The following CCDC149 variants were observed in gnomAD, a reference collection of about 807,000 sequenced individuals.
The protein encoded by CCDC149 is coiled-coil domain containing 149, also known as coiled-coil domain-containing protein 149.
A neutral mutation model predicts 59.9 loss-of-function variants in CCDC149; 45 were observed. The ratio of observed to expected loss-of-function variants is 0.75; its 90% CI spans 0.59 to 0.96. CCDC149 has a LOEUF of 0.96. Ranked by LOEUF, CCDC149 falls within the 40% of genes least tolerant of loss-of-function variation. The pLI is 0.00. For synonymous variants in CCDC149, 245 were observed against 260.6 expected, an observed-to-expected ratio of 0.94 and a Z score of 0.58; for missense variants, 584 against 664.7, an observed-to-expected ratio of 0.88 and a Z score of 1.33.
At chr4:24,864,235 T>C (rs1577424284) in intron 3 of CCDC149, among the ~76,000 whole-genome samples, 1 of 152,352 alleles carries the variant, frequency 6.6e-6, no homozygotes, top group South Asian at 2.1e-4. Flanking sequence ...GAGAGGGGCC[T>C]GAATTCTACT....
chr4:24,932,058 A>G (rs938356610), intron 1 of CCDC149, among the ~76,000 whole-genome samples: 1 of 151,958 alleles, frequency 6.6e-6, no homozygotes, highest in African/African-American at 2.4e-5. Context: ...TAAGTGTTCT[A>G]ACAGGATTCT....
intron 5 of CCDC149, 90 bp downstream of exon 5, chr4:24,838,066 C>G: frequency 9.7e-7 from 1 of 1,029,528 alleles, no homozygotes; most frequent in Non-Finnish European, 1.5e-6. Flanking sequence ...ACCCCATACT[C>G]TGAGAAACGA....
rs535424805 is a variant in CCDC149, at chr4:24,817,745, T to C, written c.1192+2114A>G. Among the ~76,000 whole-genome samples, 5 of 151,166 alleles carry C rather than the reference T, an allele frequency of 3.3e-5. 1 individual carries two copies. In the East Asian group the frequency reaches 1.0e-3, roughly 31 times the overall value. On this transcript the variant is annotated intron_variant, in intron 12 of 12. Coordinates refer to ENST00000635206, the MANE Select transcript of CCDC149 (RefSeq NM_001330643.2). ...TAGCTTAGATTAGCAGAACCACCCA[T>C]CTGACCCAAAGACTCATGAAAAACA...
chr4:24,928,865 G>A (rs1421318272), intron 1 of CCDC149, among the ~76,000 whole-genome samples: 1 of 152,108 alleles, frequency 6.6e-6, no homozygotes, highest in East Asian at 1.9e-4. Context: ...AGAGGAATGG[G>A]GTGAACTTCA....
At chr4:24,810,673 A>G (rs1160430708) in intron 12 of CCDC149, among the ~76,000 whole-genome samples, 1 of 152,214 alleles carries the variant, frequency 6.6e-6, no homozygotes, top group Non-Finnish European at 1.5e-5. Context: ...CAGGTATGTA[A>G]ATGTTGAATG....
chr4:24,832,435 AC>A (rs1716220739), intron 8 of CCDC149, among the ~76,000 whole-genome samples: 1 of 152,242 alleles, frequency 6.6e-6, no homozygotes, highest in Non-Finnish European at 1.5e-5. Context: ...TTGTTACTCC[AC>A]AAACTGCCAA....
rs16876194 is a variant in CCDC149 at position 24,834,997 on chromosome 4, C to T, written c.771G>A (p.Gln257=). 0.079 allele frequency: 127,147 copies of T among 1,613,098 alleles called. 5,613 individuals carry two copies. Among genetic ancestry groups the T allele is most frequent in the African/African-American group, 0.16 (11,704 of 74,944 alleles). Residue 257 remains glutamine, a synonymous_variant, in exon 8 of 13, where the codon CAG becomes CAA. Transcript: ENST00000635206. Reference sequence around the variant, plus strand: ...TCAGAGCACTGCTGCTGGATTTACCCTGGCCCTTCGAGTTTTTCCGTCTCT... The same window carrying T: ...TCAGAGCACTGCTGCTGGATTTACCTTGGCCCTTCGAGTTTTTCCGTCTCT...
At chr4:24,804,724 G>C (rs1411275190), downstream of CCDC149, among the ~76,000 whole-genome samples, 1 of 152,134 alleles carries the variant, frequency 6.6e-6, no homozygotes, top group Admixed American at 6.5e-5. Flanking sequence ...GGGTGCAAAG[G>C]CTCCCGGTAG....
chr4:24,881,260 C>T (rs957907296), intron 1 of CCDC149, among the ~76,000 whole-genome samples: 1 of 152,184 alleles, frequency 6.6e-6, no homozygotes, highest in Non-Finnish European at 1.5e-5. Context: ...CCTTTCCTTC[C>T]AGGCATGTGG....
intron 1 of CCDC149, among the ~76,000 whole-genome samples, chr4:24,928,136 C>T (rs1577489538): frequency 6.6e-6 from 1 of 152,306 alleles, no homozygotes; most frequent in East Asian, 1.9e-4. Flanking sequence ...TAAACTTGGA[C>T]TTCCCTAAAA....
chr4:24,820,036 G>T (rs1212485823), intron 11 of CCDC149, 61 bp from the exon 12 acceptor site: 32 of 1,245,084 alleles, frequency 2.6e-5, no homozygotes, highest in Non-Finnish European at 3.4e-5. Flanking sequence ...GTTGCATTTA[G>T]TCCCACACAC....
Position 24,837,025 on chromosome 4 carries a change from C to T in CCDC149, c.662+203G>A, listed in dbSNP as rs1414861534. 6.7e-6 allele frequency among the ~76,000 whole-genome samples: 1 copy of T among 150,270 alleles called. No homozygotes were observed. Among genetic ancestry groups the T allele is most frequent in the Non-Finnish European group, 1.5e-5 (1 of 67,370 alleles). ...TAGGGAAAGAGAAGGGAGATGTGTG[C>T]ACTGTGTAGGTGTGGGCTGCTTTCC... On this transcript the variant is annotated intron_variant, in intron 6 of 12. Transcript: ENST00000635206. This position sits in a 1 kb window ranked among gnomAD's most constrained non-coding sequence, Gnocchi z 4.3.
intron 10 of CCDC149, among the ~76,000 whole-genome samples, chr4:24,822,210 A>C (rs1715450961): frequency 6.6e-6 from 1 of 152,222 alleles, no homozygotes; most frequent in South Asian, 2.1e-4. Context: ...AAGTTAAAAA[A>C]AAATACAGAC....
At chr4:24,943,951 G>A (rs1452322809) in intron 1 of CCDC149, among the ~76,000 whole-genome samples, 5 of 152,152 alleles carry the variant, frequency 3.3e-5, no homozygotes, top group South Asian at 2.1e-4. Flanking sequence ...CACTGTTGGC[G>A]GGACTGTAAA....
intron 4 of CCDC149, among the ~76,000 whole-genome samples, chr4:24,846,869 A>G (rs144997377): frequency 7.2e-5 from 11 of 152,332 alleles, no homozygotes; most frequent in African/African-American, 2.6e-4. Context: ...ATCGCACTGT[A>G]TTATTGGTCC....
intron 1 of CCDC149, among the ~76,000 whole-genome samples, chr4:24,939,687 C>T (rs1722896823): frequency 6.6e-6 from 1 of 152,060 alleles, no homozygotes; most frequent in Non-Finnish European, 1.5e-5. Flanking sequence ...AACTAATGCA[C>T]AGAAGTCCTT....
intron 1 of CCDC149, among the ~76,000 whole-genome samples, chr4:24,935,693 C>A (rs1444780318): frequency 6.6e-6 from 1 of 152,126 alleles, no homozygotes; most frequent in Admixed American, 6.5e-5. Context: ...GATTTCCAGT[C>A]CCCAGAACTG....
chr4:24,926,288 A>G (rs1296191132), intron 1 of CCDC149, among the ~76,000 whole-genome samples: 2 of 152,214 alleles, frequency 1.3e-5, no homozygotes, highest in African/African-American at 4.8e-5. Context: ...CAGCACCCTC[A>G]ATGCTTTGCC....
intron 1 of CCDC149, among the ~76,000 whole-genome samples, chr4:24,890,163 C>A (rs1390175956): frequency 6.6e-6 from 1 of 152,158 alleles, no homozygotes; most frequent in Non-Finnish European, 1.5e-5. Context: ...CCACAAGAAG[C>A]CACTCCCCCA....
Sources: allele counts gnomAD v4.1 joint callset (sites outside exome capture counted in the v4.1 genomes callset), GRCh38; gene constraint gnomAD v4.1.1; non-coding constraint Gnocchi (gnomAD v3.1); transcripts MANE v1.5; gene names NCBI Gene and HGNC (gene_info 2026-07-23, HGNC 2026-07-21).